SLIT3: variants seen among roughly 807,000 people sequenced by gnomAD.
SLIT3 encodes slit homolog 3 protein.
Under a neutral mutation model 184.0 loss-of-function variants are expected in SLIT3, and 68 were observed. The ratio of observed to expected loss-of-function variants is 0.37; its 90% confidence interval spans 0.30 to 0.45. The LOEUF is 0.45. Ranked by LOEUF, SLIT3 falls within the 20% of genes least tolerant of loss-of-function variation. SLIT3 has a pLI of 1.00. For missense variants in SLIT3, 1,707 were observed against 2,026.0 expected (o/e 0.84, Z 3.02); for synonymous variants, 831 against 828.6 (o/e 1.00, Z -0.05).
intron 1 of SLIT3, among the ~76,000 whole-genome samples, chr5:169,260,881 T>G (rs963595949): frequency 4.6e-5 from 7 of 152,248 alleles, no homozygotes; most frequent in African/African-American, 1.7e-4. Flanking sequence ...TACCATAGAC[T>G]ATGATAAACG....
chr5:168,839,199 T>C (rs1288171791), intron 6 of SLIT3, among the ~76,000 whole-genome samples: 2 of 152,274 alleles, frequency 1.3e-5, no homozygotes. Flanking sequence ...TCTCTGTGTG[T>C]CCACTCCATC....
At chr5:169,005,006 G>A (rs970613566) in intron 4 of SLIT3, among the ~76,000 whole-genome samples, 5 of 152,238 alleles carry the variant, frequency 3.3e-5, no homozygotes, top group Admixed American at 1.3e-4. Context: ...ACAAATTGAG[G>A]GTTTGTGGCA....
intron 4 of SLIT3, among the ~76,000 whole-genome samples, chr5:169,067,132 G>A (rs904984961): frequency 2.0e-5 from 3 of 152,110 alleles, no homozygotes; most frequent in Non-Finnish European, 2.9e-5. Flanking sequence ...CGAATTGGCC[G>A]GGTACAGTGG....
At chr5:168,677,505 T>C (rs1388827664) in intron 32 of SLIT3, among the ~76,000 whole-genome samples, 2 of 152,124 alleles carry the variant, frequency 1.3e-5, no homozygotes, top group Non-Finnish European at 1.5e-5. Flanking sequence ...CTGGAATACA[T>C]TGGCGTGATC....
intron 7 of SLIT3, among the ~76,000 whole-genome samples, chr5:168,819,781 C>T (rs958751586): frequency 6.6e-6 from 1 of 152,156 alleles, no homozygotes; most frequent in East Asian, 1.9e-4. Flanking sequence ...GGCTGGCTGG[C>T]CCCAAGCTAT....
At chr5:169,028,244 GAAA>G (rs113331358) in intron 4 of SLIT3, among the ~76,000 whole-genome samples, 1 of 147,798 alleles carries the variant, frequency 6.8e-6, no homozygotes, top group Admixed American at 6.7e-5. Context: ...TTAGTGATGG[GAAA>G]AAAAAAAAAT....
intron 5 of SLIT3, among the ~76,000 whole-genome samples, chr5:168,866,223 T>C (rs150210376): frequency 5.3e-5 from 8 of 152,324 alleles, no homozygotes; most frequent in African/African-American, 1.7e-4. Context: ...CCTCAGCTTG[T>C]AGGCCACTCA....
rs148291161 is a variant in SLIT3 at position 169,129,905 on chromosome 5, A to G, written c.413+63574T>C. The stretch of plus-strand genomic sequence containing the variant: ...GCTCTGTCACACAGGCTGGAGTGCA[A>G]TGGCACAATCTCGGCTCACTGCAAC... On this transcript the variant is annotated intron_variant, in intron 4 of 35. Transcript: ENST00000519560. Among the ~76,000 whole-genome samples, 1,274 of 152,070 alleles carry G rather than the reference A, an allele frequency of 8.4e-3. 6 individuals carry two copies. The highest frequency in any genetic ancestry group is 0.014 in the Non-Finnish European group (931 of 67,994).
At chr5:169,220,152 C>T (rs1360563348) in intron 3 of SLIT3, among the ~76,000 whole-genome samples, 2 of 152,208 alleles carry the variant, frequency 1.3e-5, no homozygotes, top group Non-Finnish European at 2.9e-5. Context: ...TCCCATTCAC[C>T]TCCTGCCCTG....
At chr5:169,263,041 T>C (rs972034467) in intron 1 of SLIT3, among the ~76,000 whole-genome samples, 2 of 152,108 alleles carry the variant, frequency 1.3e-5, no homozygotes, top group Admixed American at 1.3e-4. Flanking sequence ...CTGGTGTCCT[T>C]ATTAGAAGAG....
chr5:169,297,410 A>G (rs2113668063), intron 1 of SLIT3, among the ~76,000 whole-genome samples: 1 of 152,318 alleles, frequency 6.6e-6, no homozygotes, highest in South Asian at 2.1e-4. Context: ...ATCCCCACTC[A>G]GGTTTTCCTT....
intron 27 of SLIT3, 60 bp downstream of exon 27, chr5:168,700,522 C>G: frequency 1.7e-6 from 2 of 1,195,192 alleles, no homozygotes; most frequent in Non-Finnish European, 2.5e-6. Context: ...TTGGGTATGT[C>G]TTTATTAGCA....
rs142642611 is a variant in SLIT3 at position 169,067,119 on chromosome 5, G to A, written c.413+126360C>T. ...TATTCTTAAAAAGGTAAAGAATGACGGACGAATTGGCCGGGTACAGTGGCT... is the reference window on the plus strand; with the variant it reads ...TATTCTTAAAAAGGTAAAGAATGACAGACGAATTGGCCGGGTACAGTGGCT... On this transcript the variant is annotated intron_variant, in intron 4 of 35. Transcript: ENST00000519560. 3.9e-5 allele frequency among the ~76,000 whole-genome samples: 6 copies of A among 152,196 alleles called. No homozygotes were observed. The East Asian group carries it at 5.8e-4, about 15-fold the overall frequency.
At position 168,817,396 on chromosome 5, in the gene SLIT3, G is replaced by T. The variant is rs757311008; in HGVS notation, c.697C>A (p.Arg233=). ...LAWLSDWLRQ[R]RTVGQFTLCM... ...AGTGTGAACTGGCCAACTGTCCGTC[G>T]CTGTCGCAGCCAATCCGAGAGCCAG... The change falls in exon 8 of 36, where the codon CGA becomes AGA. Residue 233 remains arginine, a synonymous_variant. Transcript: ENST00000519560. 2 of 1,614,188 alleles carry T rather than the reference G, an allele frequency of 1.2e-6. No homozygotes were observed. The highest frequency in any genetic ancestry group is 1.7e-6 in the Non-Finnish European group (2 of 1,180,028).
At chr5:168,915,010 A>C (rs942691580) in intron 4 of SLIT3, among the ~76,000 whole-genome samples, 31 of 152,220 alleles carry the variant, frequency 2.0e-4, no homozygotes, top group African/African-American at 7.0e-4. Flanking sequence ...CCATGAGTTC[A>C]TAATAATACT....
At chr5:169,114,053 A>G (rs1760549921) in intron 4 of SLIT3, among the ~76,000 whole-genome samples, 1 of 152,148 alleles carries the variant, frequency 6.6e-6, no homozygotes, top group Non-Finnish European at 1.5e-5. Flanking sequence ...ACGATTAGGG[A>G]GGTTTTCTGA....
chr5:168,781,684 G>C (rs1315239879), intron 12 of SLIT3, among the ~76,000 whole-genome samples: 1 of 152,130 alleles, frequency 6.6e-6, no homozygotes, highest in Non-Finnish European at 1.5e-5. Flanking sequence ...AACAAAAGGA[G>C]TTGATCTGCA....
At chr5:169,155,956 G>A (rs1439653197) in intron 4 of SLIT3, among the ~76,000 whole-genome samples, 4 of 152,208 alleles carry the variant, frequency 2.6e-5, no homozygotes, top group African/African-American at 7.2e-5. Context: ...AAATGGATCC[G>A]TGACGGGGTA....
At chr5:168,884,909 C>A (rs1760136552) in intron 4 of SLIT3, among the ~76,000 whole-genome samples, 1 of 152,012 alleles carries the variant, frequency 6.6e-6, no homozygotes, top group Non-Finnish European at 1.5e-5. Flanking sequence ...GACCTACGGA[C>A]AGATTGTACC....
Sources: gnomAD v4.1 joint callset for allele counts (sites outside exome capture counted in the v4.1 genomes callset) on GRCh38, gnomAD v4.1.1 for gene constraint, MANE v1.5 for transcripts, NCBI Gene and HGNC (gene_info 2026-07-23, HGNC 2026-07-21) for gene names.